Variants in EDARADD observed in about 807,000 individuals in gnomAD.
EDARADD encodes the protein EDAR associated via death domain, also known as ectodysplasin-A receptor-associated adapter protein.
A neutral mutation model predicts 25.6 loss-of-function variants in EDARADD; 20 were observed. The observed-to-expected ratio is 0.78, with a 90% confidence interval of 0.55 to 1.14. EDARADD has a LOEUF of 1.14. EDARADD is among the 50% of genes most tolerant of loss of function. EDARADD has a pLI of 0.00. For synonymous variants in EDARADD, 86 were observed against 94.4 expected (o/e 0.91, Z 0.52); for missense variants, 225 against 270.1 (o/e 0.83, Z 1.17).
intron 4 of EDARADD, among the ~76,000 whole-genome samples, chr1:236,442,435 C>T (rs948508975): frequency 6.6e-6 from 1 of 152,162 alleles, no homozygotes; most frequent in Non-Finnish European, 1.5e-5. Context: ...CATGAGCCAC[C>T]AAGCCTGGCC....
chr1:236,447,116 T>G (rs1658563344), intron 4 of EDARADD, among the ~76,000 whole-genome samples: 1 of 152,094 alleles, frequency 6.6e-6, no homozygotes, highest in Non-Finnish European at 1.5e-5. Flanking sequence ...TCTTTCTTCC[T>G]TCCTTCCTCT....
At chr1:236,375,382 G>T (rs577209998) in intron 3 of EDARADD, among the ~76,000 whole-genome samples, 3 of 152,042 alleles carry the variant, frequency 2.0e-5, no homozygotes, top group Admixed American at 6.6e-5. Context: ...CAGGCCAGGC[G>T]CAGTGGCTCA....
chr1:236,414,517 A>C, intron 3 of EDARADD, among the ~76,000 whole-genome samples: 1 of 152,228 alleles, frequency 6.6e-6, no homozygotes, highest in Non-Finnish European at 1.5e-5. Context: ...CTTATTAAAA[A>C]CTGTAAATTA....
intron 3 of EDARADD, among the ~76,000 whole-genome samples, chr1:236,353,092 C>T (rs1250014122): frequency 1.3e-5 from 2 of 152,152 alleles, no homozygotes; most frequent in African/African-American, 4.8e-5. Context: ...ACACCACATG[C>T]CTCATGGCTC....
intron 3 of EDARADD, among the ~76,000 whole-genome samples, chr1:236,378,704 A>G (rs990160695): frequency 3.9e-5 from 6 of 152,200 alleles, no homozygotes; most frequent in African/African-American, 1.4e-4. Flanking sequence ...ATATTTTGCA[A>G]TCTTCATTAA....
intron 4 of EDARADD, among the ~76,000 whole-genome samples, chr1:236,464,751 C>T (rs1029831691): frequency 6.6e-6 from 1 of 152,012 alleles, no homozygotes; most frequent in Non-Finnish European, 1.5e-5. Flanking sequence ...CAACTTTTGA[C>T]ACTGCTCCCC....
chr1:236,422,079 C>T (rs1280663179), intron 3 of EDARADD, among the ~76,000 whole-genome samples: 1 of 151,816 alleles, frequency 6.6e-6, no homozygotes, highest in African/African-American at 2.4e-5. Flanking sequence ...GAGTACATGT[C>T]TCCAGAGGTT....
chr1:236,448,840 G>A (rs750694965), intron 4 of EDARADD, among the ~76,000 whole-genome samples: 6 of 152,186 alleles, frequency 3.9e-5, no homozygotes, highest in Non-Finnish European at 8.8e-5. Context: ...AGATTTCTTT[G>A]CAGATACAAA....
At chr1:236,418,248 C>T (rs997372032) in intron 3 of EDARADD, among the ~76,000 whole-genome samples, 9 of 150,414 alleles carry the variant, frequency 6.0e-5, no homozygotes, top group African/African-American at 1.7e-4. Context: ...CCACCGCGCC[C>T]GGCCTCTTTT....
At chr1:236,463,983 G>GA (rs1168160040) in intron 4 of EDARADD, among the ~76,000 whole-genome samples, 2 of 152,184 alleles carry the variant, frequency 1.3e-5, no homozygotes, top group Non-Finnish European at 2.9e-5. Flanking sequence ...CAGACCGGGG[G>GA]TTTGGAGAAG....
At position 236,371,569 on chromosome 1, in the gene EDARADD, A is replaced by AT. The variant is rs199841789; in HGVS notation, c.-6+20747dup. Among the ~76,000 whole-genome samples the AT allele has an allele frequency of 4.0e-3, 560 of 138,336 alleles. 2 individuals are homozygous for AT. The highest frequency in any genetic ancestry group is 0.015 in the South Asian group (65 of 4,324). The allele number at this position is 138,336 out of a possible 152,430, so 90.8% of individuals were successfully genotyped here. A position where few individuals can be genotyped will look rare whatever the true frequency, so the allele number is the denominator to read the frequency against. On this transcript the variant is annotated intron_variant, in intron 3 of 7. Transcript: ENST00000439430. ...GATGTTGGCTGTAGGTTTTATTAAG[A>AT]TTTTTTTTTTTTTTTTTGAGATGGA...
chr1:236,445,231 A>ATTTTTTTTTTTTTTTTTT (rs1415805260), intron 4 of EDARADD, among the ~76,000 whole-genome samples: 557 of 46,898 alleles, frequency 0.012, 22 homozygotes, highest in Non-Finnish European at 0.022. Context: ...GACATAATAA[A>ATTTTTTTTTTTTTTTTTT]TTCTTTTTTT....
At chr1:236,370,782 CT>C (rs1237422160) in intron 3 of EDARADD, among the ~76,000 whole-genome samples, 1 of 152,186 alleles carries the variant, frequency 6.6e-6, no homozygotes, top group Non-Finnish European at 1.5e-5. Flanking sequence ...GAGTCAGAAG[CT>C]TGTAGCCTCC....
intron 3 of EDARADD, among the ~76,000 whole-genome samples, chr1:236,354,681 T>C (rs971217119): frequency 4.6e-5 from 7 of 152,336 alleles, no homozygotes; most frequent in Admixed American, 6.5e-5. Context: ...ACAGCCCTGA[T>C]TGGACAGAGA....
intron 5 of EDARADD, among the ~76,000 whole-genome samples, chr1:236,481,610 A>AT (rs1315936423): frequency 6.6e-5 from 10 of 151,346 alleles, no homozygotes. Flanking sequence ...CAAAAAAAAA[A>AT]AAAAGAAAGA....
intron 3 of EDARADD, among the ~76,000 whole-genome samples, chr1:236,416,254 C>T (rs1312084495): frequency 1.3e-5 from 2 of 152,146 alleles, no homozygotes; most frequent in African/African-American, 4.8e-5. Flanking sequence ...GAGAATGGTG[C>T]CTGGCACTTG....
chr1:236,440,024 G>A (rs1658360135), intron 4 of EDARADD, among the ~76,000 whole-genome samples: 1 of 152,134 alleles, frequency 6.6e-6, no homozygotes, highest in South Asian at 2.1e-4. Context: ...ATTTTTGTGA[G>A]AGTTTAAAGA....
chr1:236,361,112 T>C (rs1667042631), intron 3 of EDARADD, among the ~76,000 whole-genome samples: 1 of 152,124 alleles, frequency 6.6e-6, no homozygotes, highest in African/African-American at 2.4e-5. Flanking sequence ...ATCTAAAGTA[T>C]AAAACTTGAT....
Position 236,361,040 on chromosome 1 carries a change from A to C in EDARADD, c.-6+10201A>C, listed in dbSNP as rs546523279. On this transcript the variant is annotated intron_variant, in intron 3 of 7. Transcript: ENST00000439430. ...TCATTTTAAGGTTTTTGTAAAAAACAAAAACAAAAACAAACGAACCTGCTG... is the reference window on the plus strand; with the variant it reads ...TCATTTTAAGGTTTTTGTAAAAAACCAAAACAAAAACAAACGAACCTGCTG... Among the ~76,000 whole-genome samples, 954 of 152,336 alleles carry C rather than the reference A, an allele frequency of 6.3e-3. 11 individuals are homozygous for C. The highest frequency in any genetic ancestry group is 0.022 in the African/African-American group (895 of 41,566).
Sources: gnomAD v4.1 joint callset for allele counts (sites outside exome capture counted in the v4.1 genomes callset) on GRCh38, gnomAD v4.1.1 for gene constraint, MANE v1.5 for transcripts, NCBI Gene and HGNC (gene_info 2026-07-23, HGNC 2026-07-21) for gene names.